GRIA4: variants seen among roughly 807,000 people sequenced by gnomAD.
GRIA4 encodes glutamate receptor 4.
GRIA4 carries 34 observed loss-of-function variants against 104.0 expected under a neutral mutation model. The observed-to-expected ratio is 0.33, with a 90% CI of 0.25 to 0.44. The LOEUF is 0.44. GRIA4 is among the 20% of genes least tolerant of loss of function. The probability of loss-of-function intolerance (pLI) is 1.00; values close to 1 mark genes in which losing one functional copy is unlikely to be tolerated. For synonymous variants in GRIA4, 386 were observed against 381.9 expected (o/e 1.01, Z -0.13); for missense variants, 750 against 1,096.5 (o/e 0.68, Z 4.46).
At chr11:105,884,214 C>T (rs138459641) in intron 5 of GRIA4, among the ~76,000 whole-genome samples, 20 of 152,366 alleles carry the variant, frequency 1.3e-4, no homozygotes, top group Admixed American at 2.0e-4. Flanking sequence ...TGTGTGAACA[C>T]AGTTCCATTT....
intron 3 of GRIA4, among the ~76,000 whole-genome samples, chr11:105,715,238 A>C: frequency 6.6e-6 from 1 of 152,286 alleles, no homozygotes; most frequent in South Asian, 2.1e-4. Flanking sequence ...ATACTATTAC[A>C]TCTTTTCATT....
intron 14 of GRIA4, among the ~76,000 whole-genome samples, chr11:105,954,869 C>T (rs186870708): frequency 2.0e-5 from 3 of 150,410 alleles, no homozygotes; most frequent in African/African-American, 7.3e-5. Flanking sequence ...ACCAAAATCT[C>T]CTTAATCTTC....
intron 4 of GRIA4, among the ~76,000 whole-genome samples, chr11:105,853,959 C>A (rs556080758): frequency 5.9e-5 from 9 of 152,298 alleles, no homozygotes; most frequent in African/African-American, 1.9e-4. Context: ...CTCTTCTCTG[C>A]TCCAAAGCTT....
chr11:105,844,051 G>A (rs1223800107), intron 4 of GRIA4, among the ~76,000 whole-genome samples: 1 of 152,148 alleles, frequency 6.6e-6, no homozygotes, highest in Non-Finnish European at 1.5e-5. Flanking sequence ...GTCCTGGTTT[G>A]TACCTGATAT....
chr11:105,792,727 T>C (rs1942267330), intron 4 of GRIA4, among the ~76,000 whole-genome samples: 1 of 152,190 alleles, frequency 6.6e-6, no homozygotes, highest in African/African-American at 2.4e-5. Flanking sequence ...AGTTTAATTT[T>C]AATTTCTAAT....
intron 3 of GRIA4, chr11:105,613,124 C>T (rs571123097): frequency 7.2e-5 from 11 of 152,336 alleles, no homozygotes; most frequent in Admixed American, 7.2e-4. Flanking sequence ...ACCAACCAAC[C>T]CAGCTTTATC....
At chr11:105,912,750 G>A in intron 10 of GRIA4, 3 of 973,494 alleles carry the variant, frequency 3.1e-6, no homozygotes, top group Non-Finnish European at 3.7e-6. Context: ...TTCTGAAAGT[G>A]TTCCTTCAAT....
chr11:105,783,770 G>A (rs1404322801), intron 4 of GRIA4, among the ~76,000 whole-genome samples: 1 of 151,726 alleles, frequency 6.6e-6, no homozygotes, highest in Non-Finnish European at 1.5e-5. Context: ...GTGTGTGTGT[G>A]TGTGTGTGTG....
At chr11:105,773,428 A>C (rs1330047712) in intron 4 of GRIA4, among the ~76,000 whole-genome samples, 3 of 152,158 alleles carry the variant, frequency 2.0e-5, no homozygotes, top group Non-Finnish European at 4.4e-5. Context: ...TTAATATTTA[A>C]ATCTATAATG....
intron 14 of GRIA4, among the ~76,000 whole-genome samples, chr11:105,959,619 CT>C (rs1948683696): frequency 6.6e-6 from 1 of 152,210 alleles, no homozygotes; most frequent in East Asian, 1.9e-4. Flanking sequence ...TCTATCTGAT[CT>C]TCCATCCAGT....
chr11:105,752,809 A>G (rs1482349526), intron 3 of GRIA4, among the ~76,000 whole-genome samples, 172 bp from the exon 4 acceptor site: 2 of 152,174 alleles, frequency 1.3e-5, no homozygotes, highest in Admixed American at 1.3e-4. Context: ...TCAATAATTC[A>G]TTAATTGATT....
chr11:105,844,110 T>C (rs1264117602), intron 4 of GRIA4, among the ~76,000 whole-genome samples: 2 of 152,190 alleles, frequency 1.3e-5, no homozygotes, highest in African/African-American at 4.8e-5. Flanking sequence ...CTCTTGAAAT[T>C]GTCTTGGTAG....
chr11:105,834,399 C>G (rs1345889348), intron 4 of GRIA4, among the ~76,000 whole-genome samples: 1 of 152,056 alleles, frequency 6.6e-6, no homozygotes, highest in Non-Finnish European at 1.5e-5. Flanking sequence ...ACATCTGTCC[C>G]CATGCATTAC....
chr11:105,759,257 C>A lies in GRIA4; in HGVS notation c.487+6037C>A, dbSNP rs548550759. Among the ~76,000 whole-genome samples the A allele has an allele frequency of 5.3e-5, 8 of 152,148 alleles. No homozygotes were observed. The South Asian group carries it at 1.7e-3, about 32-fold the overall frequency. ...TTTTGATATTCTTGGTCATGAATCA[C>A]GGTGTTTGGTTAATATTTTATATTA... On this transcript the variant is annotated intron_variant, in intron 4 of 16. Transcript: ENST00000282499.
chr11:105,697,307 A>G (rs1353205663), intron 3 of GRIA4, among the ~76,000 whole-genome samples: 1 of 152,110 alleles, frequency 6.6e-6, no homozygotes, highest in African/African-American at 2.4e-5. Flanking sequence ...TTCTCTCCAG[A>G]AAAAAAGCCT....
chr11:105,708,516 A>C (rs1953790495), intron 3 of GRIA4, among the ~76,000 whole-genome samples: 1 of 152,146 alleles, frequency 6.6e-6, no homozygotes, highest in African/African-American at 2.4e-5. Flanking sequence ...TTTATTTGTA[A>C]TACAGTTAGG....
At chr11:105,770,146 T>C (rs947797130) in intron 4 of GRIA4, among the ~76,000 whole-genome samples, 3 of 152,128 alleles carry the variant, frequency 2.0e-5, no homozygotes, top group African/African-American at 7.2e-5. Context: ...TTCAACTTTA[T>C]AGTCCCCCTA....
chr11:105,901,918 T>C (rs1467407589), intron 7 of GRIA4, among the ~76,000 whole-genome samples: 1 of 152,224 alleles, frequency 6.6e-6, no homozygotes, highest in African/African-American at 2.4e-5. Flanking sequence ...TTAGGCAAGA[T>C]TCATTTTATT....
intron 3 of GRIA4, among the ~76,000 whole-genome samples, chr11:105,634,659 A>G (rs1951157810): frequency 6.6e-6 from 1 of 152,148 alleles, no homozygotes; most frequent in African/African-American, 2.4e-5. Context: ...TCAGACTGTA[A>G]CCCAAGTCTC....
Sources: gnomAD v4.1 joint callset for allele counts (sites outside exome capture counted in the v4.1 genomes callset) on GRCh38, gnomAD v4.1.1 for gene constraint, MANE v1.5 for transcripts, NCBI Gene and HGNC (gene_info 2026-07-23, HGNC 2026-07-21) for gene names.